KCNMB2: variants seen among roughly 807,000 people sequenced by gnomAD.
KCNMB2 encodes the protein calcium-activated potassium channel subunit beta-2.
In KCNMB2, 9 loss-of-function variants were observed where a neutral mutation model predicts 24.5. The observed-to-expected ratio is 0.37, with a 90% confidence interval of 0.22 to 0.64. KCNMB2 has a LOEUF of 0.64. KCNMB2 is among the 30% of genes least tolerant of loss of function. The probability of loss-of-function intolerance (pLI) is 0.63; values close to 1 mark genes in which losing one functional copy is unlikely to be tolerated. For synonymous variants in KCNMB2, 109 were observed against 104.4 expected (o/e 1.04, Z -0.27); for missense variants, 226 against 284.3 (o/e 0.79, Z 1.47).
intron 2 of KCNMB2, among the ~76,000 whole-genome samples, chr3:178,823,814 A>C (rs1456783816): frequency 6.6e-6 from 1 of 152,110 alleles, no homozygotes; most frequent in Non-Finnish European, 1.5e-5. Flanking sequence ...TTTAGAGTCA[A>C]CTCTGGTTCC....
chr3:178,744,052 A>G (rs1377582943), intron 1 of KCNMB2, among the ~76,000 whole-genome samples: 1 of 152,242 alleles, frequency 6.6e-6, no homozygotes, highest in Non-Finnish European at 1.5e-5. Context: ...ATAGCGATAG[A>G]AGTTAAATCT....
At chr3:178,575,658 T>TACAGTAAAGGGAAGTAAAGGGAAGA (rs35827921) in intron 1 of KCNMB2, among the ~76,000 whole-genome samples, 2 of 152,158 alleles carry the variant, frequency 1.3e-5, no homozygotes, top group African/African-American at 4.8e-5. Context: ...CAGTATAAAC[T>TACAGTAAAGGGAAGTAAAGGGAAGA]ACAGTAAAGG....
intron 2 of KCNMB2, among the ~76,000 whole-genome samples, chr3:178,809,289 G>A (rs77391405): frequency 0.02 from 3,087 of 152,256 alleles, 119 homozygotes; most frequent in African/African-American, 0.071. Flanking sequence ...TAGAGCAAGC[G>A]AAGTGTAATA....
intron 1 of KCNMB2, among the ~76,000 whole-genome samples, chr3:178,667,202 G>C (rs1196243896): frequency 6.6e-6 from 1 of 151,916 alleles, no homozygotes; most frequent in African/African-American, 2.4e-5. Context: ...CAATCTGATT[G>C]GTATCCTTAT....
At position 178,617,380 on chromosome 3, in the gene KCNMB2, A is replaced by G. The variant is rs367938314; in HGVS notation, c.-68+80669A>G. On this transcript the variant is annotated intron_variant, in intron 1 of 4. Coordinates refer to ENST00000452583, the MANE Select transcript of KCNMB2 (RefSeq NM_181361.3). ...GAGACCATCCTGGCTAACATGGTGA[A>G]ACCGAATCTCTACTAAAAATACAAA... 1.9e-4 allele frequency among the ~76,000 whole-genome samples: 29 copies of G among 150,846 alleles called. No homozygotes were observed. The South Asian group carries it at 6.1e-3, about 32-fold the overall frequency.
rs964583614 is a variant in KCNMB2 at position 178,653,913 on chromosome 3, T to C, written c.-68+117202T>C. Reference sequence around the variant, plus strand: ...TCAGTATTACACTGGCCTCATGAAATGAGTTAGAAAATCTTCCCTTTTTTT... The same window carrying C: ...TCAGTATTACACTGGCCTCATGAAACGAGTTAGAAAATCTTCCCTTTTTTT... On this transcript the variant is annotated intron_variant, in intron 1 of 4. Coordinates refer to ENST00000452583, the MANE Select transcript of KCNMB2 (RefSeq NM_181361.3). Among the ~76,000 whole-genome samples, 74 of 152,132 alleles carry C rather than the reference T, an allele frequency of 4.9e-4. 1 individual carries two copies. The highest frequency in any genetic ancestry group is 1.8e-3 in the African/African-American group (73 of 41,448).
intron 1 of KCNMB2, among the ~76,000 whole-genome samples, chr3:178,625,346 C>T (rs577298988): frequency 1.1e-4 from 17 of 152,276 alleles, no homozygotes; most frequent in African/African-American, 3.6e-4. Context: ...CCCCCCACCC[C>T]AACTAAGGCC....
intron 1 of KCNMB2, among the ~76,000 whole-genome samples, chr3:178,636,474 C>T (rs767066226): frequency 6.6e-6 from 1 of 152,168 alleles, no homozygotes; most frequent in Middle Eastern, 3.2e-3. Flanking sequence ...GTTTTTCACG[C>T]ATGTCATTTA....
intron 2 of KCNMB2, among the ~76,000 whole-genome samples, chr3:178,823,736 A>G (rs1410661210): frequency 6.6e-6 from 1 of 152,208 alleles, no homozygotes; most frequent in Non-Finnish European, 1.5e-5. Flanking sequence ...AAAGCTAAAT[A>G]TAAGCCCTGA....
At chr3:178,605,476 G>C (rs1374262205) in intron 1 of KCNMB2, among the ~76,000 whole-genome samples, 3 of 152,170 alleles carry the variant, frequency 2.0e-5, no homozygotes, top group African/African-American at 7.2e-5. Context: ...ACAGGATAAA[G>C]GGTGGAGGCT....
In KCNMB2 at chr3:178,689,907, C is replaced by T. The variant is rs549202927; in HGVS notation, c.-67-117436C>T. Reference sequence around the variant, plus strand: ...TACCAAAGGAAAAGAGAATACATCACCTATGTTTTCTTCTCCAGACAAAGG... The same window carrying T: ...TACCAAAGGAAAAGAGAATACATCATCTATGTTTTCTTCTCCAGACAAAGG... On this transcript the variant is annotated intron_variant, in intron 1 of 4. Transcript: ENST00000452583. Among the ~76,000 whole-genome samples, 5 of 152,228 alleles carry T rather than the reference C, an allele frequency of 3.3e-5. No individual in the cohort carries two copies. The East Asian group carries it at 7.7e-4, about 24-fold the overall frequency.
chr3:178,541,198 T>A (rs1715604633), intron 1 of KCNMB2, among the ~76,000 whole-genome samples: 2 of 152,208 alleles, frequency 1.3e-5, no homozygotes, highest in African/African-American at 4.8e-5. Context: ...ATCACATCAC[T>A]GATTCCAATC....
chr3:178,688,689 C>T (rs4392395), intron 1 of KCNMB2, among the ~76,000 whole-genome samples: 16 of 151,098 alleles, frequency 1.1e-4, no homozygotes, highest in Non-Finnish European at 8.9e-5. Context: ...CTAGTGTTTG[C>T]TTTTTTTTTA....
intron 1 of KCNMB2, among the ~76,000 whole-genome samples, chr3:178,727,975 GTATTGATTTCA>G (rs1263400300): frequency 1.3e-5 from 2 of 152,174 alleles, no homozygotes; most frequent in Non-Finnish European, 2.9e-5. Flanking sequence ...CATACAGTCA[GTATTGATTTCA>G]TATTCTTATT....
At chr3:178,676,863 C>T (rs1399457940) in intron 1 of KCNMB2, among the ~76,000 whole-genome samples, 6 of 152,262 alleles carry the variant, frequency 3.9e-5, no homozygotes, top group South Asian at 2.1e-4. Context: ...CGTTACGAAA[C>T]GCTTTCTGCT....
chr3:178,780,230 T>A (rs1265856388), intron 1 of KCNMB2, among the ~76,000 whole-genome samples: 1 of 152,206 alleles, frequency 6.6e-6, no homozygotes, highest in African/African-American at 2.4e-5. Flanking sequence ...CTTTGATAGA[T>A]GCCCTGCTAT....
At chr3:178,764,473 T>G (rs2108414929) in intron 1 of KCNMB2, among the ~76,000 whole-genome samples, 1 of 152,308 alleles carries the variant, frequency 6.6e-6, no homozygotes, top group East Asian at 1.9e-4. Context: ...AGTAACAAAC[T>G]TCAGATTTGT....
At chr3:178,804,645 C>T (rs1713895264) in intron 1 of KCNMB2, among the ~76,000 whole-genome samples, 1 of 152,178 alleles carries the variant, frequency 6.6e-6, no homozygotes, top group Non-Finnish European at 1.5e-5. Flanking sequence ...GAAAAATATT[C>T]TAAATGTATT....
intron 1 of KCNMB2, among the ~76,000 whole-genome samples, chr3:178,607,152 A>C (rs758377197): frequency 6.6e-6 from 1 of 152,160 alleles, no homozygotes; most frequent in African/African-American, 2.4e-5. Context: ...ATTCCTCTTA[A>C]AGAGAGGTTA....
Sources: allele counts gnomAD v4.1 joint callset (sites outside exome capture counted in the v4.1 genomes callset), GRCh38; gene constraint gnomAD v4.1.1; transcripts MANE v1.5; gene names NCBI Gene and HGNC (gene_info 2026-07-23, HGNC 2026-07-21).